Variants in LUZP1 observed in about 807,000 individuals in gnomAD.
The protein encoded by LUZP1 is leucine zipper protein 1, also known as filamin mechanobinding actin cross-linking protein.
A neutral mutation model predicts 71.3 loss-of-function variants in LUZP1; 25 were observed. That is an observed-to-expected ratio of 0.35 (90% CI 0.26 to 0.49). The LOEUF (loss-of-function observed/expected upper bound fraction) is 0.49, where lower values mean the gene tolerates loss of function less well. Ranked by LOEUF, LUZP1 falls within the 20% of genes least tolerant of loss-of-function variation. The pLI is 0.99. For synonymous variants in LUZP1, 481 were observed against 506.4 expected, an observed-to-expected ratio of 0.95 and a Z score of 0.67; for missense variants, 1,142 against 1,300.8, an observed-to-expected ratio of 0.88 and a Z score of 1.88.
At chr1:23,116,565 T>A in intron 2 of LUZP1, among the ~76,000 whole-genome samples, 1 of 114,142 alleles carries the variant, frequency 8.8e-6, no homozygotes, top group Non-Finnish European at 1.8e-5. Flanking sequence ...TGTAAAAAAG[T>A]AAAAGACCAC....
At chr1:23,144,098 G>A (rs530785439) in intron 2 of LUZP1, among the ~76,000 whole-genome samples, 2 of 152,250 alleles carry the variant, frequency 1.3e-5, no homozygotes, top group African/African-American at 2.4e-5. Flanking sequence ...GTGCTTTTAC[G>A]TATTAAATAT....
At chr1:23,091,529 G>T (rs370108816) in exon 4 of LUZP1, 1 of 1,614,186 alleles carries the variant, frequency 6.2e-7, no homozygotes, top group Non-Finnish European at 8.5e-7. Context: ...CATCTGAGAA[G>T]CCCACTTCTG....
rs1046592967 is a variant in LUZP1 at position 23,172,724 on chromosome 1, A to G, written c.-484-3700T>C. Among the ~76,000 whole-genome samples the G allele has an allele frequency of 1.8e-4, 28 of 152,096 alleles. No homozygotes were observed. The South Asian group carries it at 5.6e-3, about 30-fold the overall frequency. On this transcript the variant is annotated intron_variant, in intron 1 of 4. Coordinates refer to ENST00000302291, the Ensembl canonical transcript of LUZP1. Reference sequence around the variant, plus strand: ...GAGATGGGGTTTCACCATGTTGCCCAGGCTGGTCTCGAATGCCTGGGCTCA... The same window carrying G: ...GAGATGGGGTTTCACCATGTTGCCCGGGCTGGTCTCGAATGCCTGGGCTCA...
intron 2 of LUZP1, among the ~76,000 whole-genome samples, chr1:23,145,239 T>C (rs1284801789): frequency 1.3e-5 from 2 of 152,056 alleles, no homozygotes; most frequent in African/African-American, 2.4e-5. Flanking sequence ...TTAAATAAGT[T>C]TCTTCATGGA....
At chr1:23,162,722 C>T (rs1197978887) in intron 2 of LUZP1, 2 of 152,190 alleles carry the variant, frequency 1.3e-5, no homozygotes, top group East Asian at 1.9e-4. Flanking sequence ...TTCCACAACA[C>T]AAATACTAAA....
intron 2 of LUZP1, among the ~76,000 whole-genome samples, chr1:23,156,746 T>C (rs893202576): frequency 3.3e-5 from 5 of 152,344 alleles, no homozygotes; most frequent in East Asian, 1.9e-4. Flanking sequence ...CTTCCAATCA[T>C]GTGGCCAAGA....
In LUZP1 at chr1:23,093,098, G is replaced by A. The variant is rs1643872911; in HGVS notation, c.1164C>T (p.His388=). Residue 388 remains histidine, a synonymous_variant, in exon 4 of 5, where the codon CAC becomes CAT. Transcript: ENST00000302291. The surrounding 1 kb of genome is among the most constrained non-coding windows in gnomAD (Gnocchi z 4.2). Reference sequence around the variant, plus strand: ...GCTGAGGAGACAGTTCCCGCGCTGTGTGCTTGGACACAGAAGCTTCACTTC... The same window carrying A: ...GCTGAGGAGACAGTTCCCGCGCTGTATGCTTGGACACAGAAGCTTCACTTC... The A allele has an allele frequency of 5.6e-6, 9 of 1,614,072 alleles. No individual in the cohort carries two copies. The highest frequency in any genetic ancestry group is 7.6e-6 in the Non-Finnish European group (9 of 1,179,992).
chr1:23,096,618 A>C (rs1398986887), intron 3 of LUZP1, among the ~76,000 whole-genome samples: 1 of 152,188 alleles, frequency 6.6e-6, no homozygotes, highest in Non-Finnish European at 1.5e-5. Context: ...AAAAGAAAAA[A>C]AGACCATTGT....
chr1:23,139,014 AAAAAAATATATATAT>A (rs1644279979), intron 2 of LUZP1, among the ~76,000 whole-genome samples: 1 of 101,090 alleles, frequency 9.9e-6, no homozygotes, highest in Admixed American at 1.2e-4. Context: ...AAAAAAAAAA[AAAAAAATATATATAT>A]ATATATATAT....
At chr1:23,177,724 G>C (rs1041561442) in exon 1 of LUZP1, 3 of 152,234 alleles carry the variant, frequency 2.0e-5, no homozygotes, top group African/African-American at 7.2e-5. Flanking sequence ...GAGGGGGCCG[G>C]CGCGTTCGCC....
chr1:23,174,915 C>T lies in LUZP1; in HGVS notation c.-485+2576G>A, dbSNP rs188567750. Among the ~76,000 whole-genome samples, 391 of 152,190 alleles carry T rather than the reference C, an allele frequency of 2.6e-3. 4 individuals are homozygous for T. The highest frequency in any genetic ancestry group is 8.6e-3 in the African/African-American group (355 of 41,470). On this transcript the variant is annotated intron_variant, in intron 1 of 4. Transcript: ENST00000302291. ...TTCCTCCCTCATGTTTCAGGGCAACCGTTACTACATGCATTTCATTCATTC... is the reference window on the plus strand; with the variant it reads ...TTCCTCCCTCATGTTTCAGGGCAACTGTTACTACATGCATTTCATTCATTC...
intron 3 of LUZP1, among the ~76,000 whole-genome samples, chr1:23,098,736 G>A (rs188718883): frequency 1.3e-5 from 2 of 152,290 alleles, no homozygotes; most frequent in South Asian, 2.1e-4. Context: ...TGAGACATAA[G>A]AGAAAAACAG....
intron 3 of LUZP1, among the ~76,000 whole-genome samples, chr1:23,097,138 T>C (rs1643896606): frequency 6.6e-6 from 1 of 152,150 alleles, no homozygotes; most frequent in Non-Finnish European, 1.5e-5. Context: ...AGGGTTGAAC[T>C]TGCTCCCTCA....
In LUZP1 at chr1:23,094,207, T is replaced by G; in HGVS notation, c.55A>C (p.Lys19Gln). ...AGGCGGCGGCTTAGACTCTGTAGCT[T>G]AAACCGCAAGTGGCGGCTGGAGGCC... The change falls in exon 4 of 5, where the codon AAG (lysine) becomes CAG (glutamine). Residue 19 changes from lysine to glutamine, a missense_variant. By Grantham distance (53) the Lys-to-Gln change is moderately conservative (BLOSUM62 1). Transcript: ENST00000302291. The surrounding 1 kb of genome is among the most constrained non-coding windows in gnomAD (Gnocchi z 4.7). The G allele has an allele frequency of 6.2e-7, 1 of 1,613,236 alleles. No individual in the cohort carries two copies. The highest frequency in any genetic ancestry group is 8.5e-7 in the Non-Finnish European group (1 of 1,179,784).
At chr1:23,137,497 C>T (rs151307847) in intron 2 of LUZP1, among the ~76,000 whole-genome samples, 53 of 152,136 alleles carry the variant, frequency 3.5e-4, no homozygotes, top group East Asian at 2.3e-3. Flanking sequence ...AAAAATTAGC[C>T]GGGTGTGGTG....
intron 2 of LUZP1, among the ~76,000 whole-genome samples, chr1:23,141,779 A>C (rs1434681406): frequency 2.0e-5 from 3 of 152,154 alleles, no homozygotes; most frequent in Non-Finnish European, 4.4e-5. Context: ...TCCTGGGCTC[A>C]AGCGATCCTC....
intron 2 of LUZP1, among the ~76,000 whole-genome samples, chr1:23,122,256 G>C (rs1329542120): frequency 2.0e-5 from 3 of 151,982 alleles, no homozygotes; most frequent in African/African-American, 7.3e-5. Context: ...AAAATATCCA[G>C]GACAAGAGCC....
At chr1:23,117,477 C>CTCTCTCTCT (rs34248788) in intron 2 of LUZP1, among the ~76,000 whole-genome samples, 849 of 13,728 alleles carry the variant, frequency 0.062, 33 homozygotes, top group East Asian at 0.098. Context: ...CTCTCTCTCT[C>CTCTCTCTCT]CCCCCCCCCC....
At position 23,168,753 on chromosome 1, in the gene LUZP1, C is replaced by CACGGACCCTCACCTCT. The variant is rs1553143255; in HGVS notation, c.-229_-226+12dup. ...CGCCGCGCTCCCGCCGCCGCCGCCTCACGGACCCTCACCTCTGCGGCCCCG... is the reference window on the plus strand; with the variant it reads ...CGCCGCGCTCCCGCCGCCGCCGCCTCACGGACCCTCACCTCTACGGACCCTCACCTCTGCGGCCCCG... On this transcript the variant is annotated intron_variant, in intron 2 of 4. Coordinates refer to ENST00000302291, the Ensembl canonical transcript of LUZP1. The CACGGACCCTCACCTCT allele has an allele frequency of 6.5e-6, 1 of 153,546 alleles. No individual in the cohort carries two copies. The highest frequency in any genetic ancestry group is 2.4e-5 in the African/African-American group (1 of 41,394). 9.5% of individuals were successfully genotyped at this position (153,546 alleles called of 1,614,324 possible). A position where few individuals can be genotyped will look rare whatever the true frequency, so the allele number is the denominator to read the frequency against.
Sources: gnomAD v4.1 joint callset for allele counts (sites outside exome capture counted in the v4.1 genomes callset) on GRCh38, gnomAD v4.1.1 for gene constraint, Gnocchi (gnomAD v3.1) non-coding constraint, MANE v1.5 for transcripts, NCBI Gene and HGNC (gene_info 2026-07-23, HGNC 2026-07-21) for gene names.